Variants in TF observed in about 807,000 individuals in gnomAD.
The protein encoded by TF is serotransferrin.
In TF, 55 loss-of-function variants were observed where a neutral mutation model predicts 82.4. The observed-to-expected ratio is 0.67, with a 90% CI of 0.54 to 0.84. The LOEUF (loss-of-function observed/expected upper bound fraction) is 0.84. Ranked by LOEUF, TF falls within the 40% of genes least tolerant of loss-of-function variation. TF has a pLI of 0.00. For synonymous variants in TF, 332 were observed against 332.6 expected (o/e 1.00, Z 0.02); for missense variants, 737 against 868.4 (o/e 0.85, Z 1.90).
the TF span, among the ~76,000 whole-genome samples, chr3:133,686,959 C>A: frequency 1.3e-5 from 2 of 152,150 alleles, no homozygotes; most frequent in African/African-American, 4.8e-5. Context: ...TGTCCATCAA[C>A]AATAGACTGG....
At chr3:133,748,123 G>A in intron 1 of TF, 2 of 478,236 alleles carry the variant, frequency 4.2e-6, no homozygotes, top group South Asian at 2.1e-5. Context: ...GAGGAGACAA[G>A]GCGGATACAG....
chr3:133,696,324 A>G, the TF span, among the ~76,000 whole-genome samples: 5 of 152,110 alleles, frequency 3.3e-5, no homozygotes, highest in Non-Finnish European at 7.4e-5. Context: ...TTTTTTATTA[A>G]TTATTGTTGT....
At chr3:133,735,113 C>T in the TF span, among the ~76,000 whole-genome samples, 2 of 151,910 alleles carry the variant, frequency 1.3e-5, no homozygotes, top group African/African-American at 2.4e-5. Flanking sequence ...GATGCTGAGG[C>T]GGGTGGATCA....
rs890541491 is a variant in TF, at chr3:133,782,587, C to T, written c.*3967C>T. The T allele has an allele frequency of 6.6e-6, 1 of 151,942 alleles. No individual in the cohort carries two copies. Among genetic ancestry groups the T allele is most frequent in the Non-Finnish European group, 1.5e-5 (1 of 68,006 alleles). 9.4% of individuals were successfully genotyped at this position (151,942 alleles called of 1,614,324 possible). ...ACATGGGGAATCTAAAGAAAACACT[C>T]AAATACAGGTATACAGAGATAACAA... On this transcript the variant is annotated 3_prime_UTR_variant, in exon 17 of 17. Coordinates refer to ENST00000402696, the MANE Select transcript of TF (RefSeq NM_001063.4).
At position 133,789,877 on chromosome 3, in the gene TF, GCGTTTTTTTT is replaced by G. The variant is rs1246575605; in HGVS notation, c.*11258_*11267del. ...CAGCCAAAACAAAACGATCTCGTTTGCGTTTTTTTTTTTTTTTTTTTTTTTTTTTTTGACA... is the reference window on the plus strand; with the variant it reads ...CAGCCAAAACAAAACGATCTCGTTTGTTTTTTTTTTTTTTTTTTTTTGACA... On this transcript the variant is annotated 3_prime_UTR_variant, in exon 17 of 17. Transcript: ENST00000402696. 3 of 79,692 alleles carry G rather than the reference GCGTTTTTTTT, an allele frequency of 3.8e-5. No homozygotes were observed. In the East Asian group the frequency reaches 9.8e-4, roughly 26 times the overall value. The allele number at this position is 79,692 out of a possible 1,614,324, so 4.9% of individuals were successfully genotyped here.
intron 14 of TF, 131 bp from the exon 15 acceptor site, chr3:133,775,302 G>T (rs540561004): frequency 1.8e-4 from 158 of 881,808 alleles, no homozygotes; most frequent in Non-Finnish European, 2.8e-4. Flanking sequence ...CCACATCACT[G>T]TAACCCCAGT....
At chr3:133,683,845 A>G in the TF span, among the ~76,000 whole-genome samples, 132 of 152,354 alleles carry the variant, frequency 8.7e-4, no homozygotes, top group Middle Eastern at 6.8e-3. Flanking sequence ...CTCTGCACCA[A>G]GCAGACCTAA....
chr3:133,755,983 C>T (rs1163367415), intron 5 of TF, among the ~76,000 whole-genome samples: 1 of 152,208 alleles, frequency 6.6e-6, no homozygotes, highest in African/African-American at 2.4e-5. Flanking sequence ...GGCACATTTT[C>T]ACCCTCAGGA....
intron 12 of TF, among the ~76,000 whole-genome samples, 157 bp downstream of exon 12, chr3:133,766,590 T>C (rs1417707128): frequency 1.3e-5 from 2 of 152,188 alleles, no homozygotes; most frequent in Admixed American, 6.5e-5. Flanking sequence ...CTCAAGGACA[T>C]AGCAACAAGG....
chr3:133,668,406 A>C, the TF span, among the ~76,000 whole-genome samples: 2 of 152,206 alleles, frequency 1.3e-5, no homozygotes, highest in Non-Finnish European at 2.9e-5. Context: ...CTCCTGTCAC[A>C]GAACAGAATC....
the TF span, among the ~76,000 whole-genome samples, chr3:133,717,453 T>C: frequency 6.6e-6 from 1 of 152,204 alleles, no homozygotes; most frequent in Non-Finnish European, 1.5e-5. Flanking sequence ...ATCTGCCTCA[T>C]TGTTCTTCTC....
At chr3:133,747,260 C>G (rs1198452706) in intron 1 of TF, 1 of 152,958 alleles carries the variant, frequency 6.5e-6, no homozygotes, top group Non-Finnish European at 1.5e-5. Context: ...TATCCCCGCA[C>G]AGAGCACTTC....
intron 1 of TF, chr3:133,747,152 T>C (rs997261411): frequency 1.3e-5 from 2 of 154,820 alleles, no homozygotes; most frequent in African/African-American, 4.8e-5. Context: ...TGCCTGCCAT[T>C]CATGGGGCAT....
chr3:133,773,138 A>G (rs532175332), intron 14 of TF: 25 of 151,718 alleles, frequency 1.6e-4, no homozygotes, highest in Admixed American at 1.6e-3. Flanking sequence ...AAGAAGGAAG[A>G]CACAAAACCA....
In TF at chr3:133,777,317, G is replaced by C. The variant is rs1576369298; in HGVS notation, c.2062+79G>C. ...TGGGATGGTGGGTGGGTACAGGAGG[G>C]GTAGGCTGTGGCCCTTGGGATAGGA... On this transcript the variant is annotated intron_variant, in intron 16 of 16. Transcript: ENST00000402696. 3.3e-5 allele frequency: 47 copies of C among 1,405,184 alleles called. No individual in the cohort carries two copies. The South Asian group carries it at 5.3e-4, about 16-fold the overall frequency. The allele number at this position is 1,405,184 out of a possible 1,614,324, so 87.0% of individuals were successfully genotyped here.
At position 133,755,790 on chromosome 3, in the gene TF, A is replaced by G. The variant is rs545704663; in HGVS notation, c.635+295A>G. The G allele has an allele frequency of 2.4e-4, 121 of 498,998 alleles. 1 individual carries two copies. The highest frequency in any genetic ancestry group is 2.1e-3 in the South Asian group (102 of 48,630). The allele number at this position is 498,998 out of a possible 1,614,324, so 30.9% of individuals were successfully genotyped here. ...TGGATCGGGCAGAGCCTGAAAGGAC[A>G]ATCATGCCTCTAGTGTCTGGGCCCA... On this transcript the variant is annotated intron_variant, in intron 5 of 16. Coordinates refer to ENST00000402696, the MANE Select transcript of TF (RefSeq NM_001063.4).
the TF span, among the ~76,000 whole-genome samples, chr3:133,729,038 G>T: frequency 6.6e-6 from 1 of 152,140 alleles, no homozygotes; most frequent in East Asian, 1.9e-4. Flanking sequence ...GGAGTACCCG[G>T]CCGTGTAAGG....
chr3:133,727,522 A>C, the TF span, among the ~76,000 whole-genome samples: 7 of 110,054 alleles, frequency 6.4e-5, 1 homozygote, highest in African/African-American at 2.5e-4. Context: ...ATCTTCCTCC[A>C]TCCTTTTATT....
chr3:133,674,349 C>G, the TF span, among the ~76,000 whole-genome samples: 1 of 152,196 alleles, frequency 6.6e-6, no homozygotes, highest in African/African-American at 2.4e-5. Context: ...GGGTGCTGCC[C>G]CCTTCCCCGA....
Sources: allele counts gnomAD v4.1 joint callset (sites outside exome capture counted in the v4.1 genomes callset), GRCh38; gene constraint gnomAD v4.1.1; transcripts MANE v1.5; gene names NCBI Gene and HGNC (gene_info 2026-07-23, HGNC 2026-07-21).